Variants in ITPR2 observed in about 807,000 individuals in gnomAD.
The protein encoded by ITPR2 is inositol 1,4,5-trisphosphate receptor type 2, also known as inositol 1,4,5-trisphosphate-gated calcium channel ITPR2.
ITPR2 carries 207 observed loss-of-function variants against 317.1 expected under a neutral mutation model. That is an observed-to-expected ratio of 0.65 (90% CI 0.58 to 0.73). The LOEUF (loss-of-function observed/expected upper bound fraction) is 0.73. ITPR2 is among the 30% of genes least tolerant of loss of function. The pLI is 0.00. For missense variants in ITPR2, 2,613 were observed against 3,284.0 expected, an observed-to-expected ratio of 0.80 and a Z score of 4.99; for synonymous variants, 1,156 against 1,149.1, an observed-to-expected ratio of 1.01 and a Z score of -0.12.
rs557818801 is a variant in ITPR2, at chr12:26,774,373, T to C, written c.163+15784A>G. Among the ~76,000 whole-genome samples, 6 of 152,302 alleles carry C rather than the reference T, an allele frequency of 3.9e-5. No individual in the cohort carries two copies. In the East Asian group the frequency reaches 1.2e-3, roughly 29 times the overall value. On this transcript the variant is annotated intron_variant, in intron 2 of 56. Transcript: ENST00000381340. The stretch of plus-strand genomic sequence containing the variant: ...TGGTTCTTAGCCTGGGTGTGGTGGC[T>C]CATGCCTCTAATTCCAGCACTTTGG...
intron 45 of ITPR2, among the ~76,000 whole-genome samples, chr12:26,469,571 T>A (rs1942251328): frequency 6.6e-6 from 1 of 152,212 alleles, no homozygotes; most frequent in African/African-American, 2.4e-5. Flanking sequence ...TCTTATTCAC[T>A]GCGTAGCTTA....
intron 37 of ITPR2, among the ~76,000 whole-genome samples, chr12:26,502,763 T>C (rs940714185): frequency 2.0e-5 from 3 of 152,146 alleles, no homozygotes; most frequent in Non-Finnish European, 4.4e-5. Context: ...TTTAAATAAA[T>C]GAGAAGACTG....
Position 26,777,001 on chromosome 12 carries a change from T to C in ITPR2, c.163+13156A>G, listed in dbSNP as rs556367022. Among the ~76,000 whole-genome samples, 23 of 152,244 alleles carry C rather than the reference T, an allele frequency of 1.5e-4. No individual in the cohort carries two copies. In the East Asian group the frequency reaches 2.7e-3, roughly 18 times the overall value. ...TGAAAAACAGACATGGGAATAGATA[T>C]TAAGGGTATGGAATAATGGTGGAAG... On this transcript the variant is annotated intron_variant, in intron 2 of 56. Coordinates refer to ENST00000381340, the MANE Select transcript of ITPR2 (RefSeq NM_002223.4).
At chr12:26,492,452 C>T (rs533118199) in intron 39 of ITPR2, among the ~76,000 whole-genome samples, 6 of 102,890 alleles carry the variant, frequency 5.8e-5, no homozygotes, top group Admixed American at 4.5e-4. Context: ...CTAGAGATGC[C>T]CCCCACCAAA....
At chr12:26,708,838 T>C (rs1418203011) in intron 9 of ITPR2, among the ~76,000 whole-genome samples, 1 of 152,206 alleles carries the variant, frequency 6.6e-6, no homozygotes, top group Admixed American at 6.5e-5. Context: ...TTATTACACA[T>C]TGTATGCCTG....
intron 9 of ITPR2, among the ~76,000 whole-genome samples, chr12:26,707,408 T>A (rs1948571354): frequency 6.6e-6 from 1 of 152,186 alleles, no homozygotes; most frequent in Non-Finnish European, 1.5e-5. Context: ...CTCTATCGCC[T>A]AAGAATAAGG....
At chr12:26,790,586 TACACACACACACACACACAC>T (rs10527860) in intron 1 of ITPR2, among the ~76,000 whole-genome samples, 1 of 147,708 alleles carries the variant, frequency 6.8e-6, no homozygotes. Flanking sequence ...CATATATGCT[TACACACACACACACACACAC>T]ACACACACAC....
In ITPR2 at chr12:26,411,392, T is replaced by G; in HGVS notation, c.7327A>C (p.Met2443Leu). 1 of 1,612,916 alleles carries G rather than the reference T, an allele frequency of 6.2e-7. No homozygotes were observed. The highest frequency in any genetic ancestry group is 8.5e-7 in the Non-Finnish European group (1 of 1,179,100). ...PVTGSHQVPTMTLTTMMEACA... is the reference protein window; with the variant it reads ...PVTGSHQVPTLTLTTMMEACA... The stretch of plus-strand genomic sequence containing the variant: ...GCTTCCATCATGGTAGTTAAAGTCA[T>G]AGTAGGCACTTGATGACTGCCTAAG... The change falls in exon 52 of 57, where the codon ATG becomes CTG. Residue 2443 changes from methionine to leucine, a missense_variant. Coordinates refer to ENST00000381340, the MANE Select transcript of ITPR2 (RefSeq NM_002223.4).
At chr12:26,440,454 C>A (rs2136731397) in intron 46 of ITPR2, among the ~76,000 whole-genome samples, 1 of 152,224 alleles carries the variant, frequency 6.6e-6, no homozygotes, top group East Asian at 1.9e-4. Context: ...CACTGAATCA[C>A]TGAATCAATT....
At chr12:26,372,260 T>C (rs1230445037) in intron 55 of ITPR2, among the ~76,000 whole-genome samples, 1 of 152,238 alleles carries the variant, frequency 6.6e-6, no homozygotes, top group South Asian at 2.1e-4. Context: ...TGTGCTCTCC[T>C]GCAGGATCTT....
chr12:26,545,032 T>C (rs1420072091), intron 37 of ITPR2, among the ~76,000 whole-genome samples: 1 of 152,148 alleles, frequency 6.6e-6, no homozygotes, highest in East Asian at 1.9e-4. Context: ...TTCTATTCAT[T>C]TGCATTTAAA....
intron 2 of ITPR2, among the ~76,000 whole-genome samples, chr12:26,784,319 GCCTCTC>G (rs1190707647): frequency 0.091 from 2,867 of 31,364 alleles, 296 homozygotes; most frequent in Middle Eastern, 0.15. Context: ...CTCTCCCTCT[GCCTCTC>G]CCTCTCCCTC....
chr12:26,821,754 G>A (rs903168201), intron 1 of ITPR2, among the ~76,000 whole-genome samples: 10 of 152,226 alleles, frequency 6.6e-5, no homozygotes, highest in African/African-American at 1.9e-4. Context: ...TAGTAAGAAT[G>A]AGGATAGCAA....
chr12:26,694,781 A>G (rs1427659551), intron 10 of ITPR2, among the ~76,000 whole-genome samples: 1 of 152,244 alleles, frequency 6.6e-6, no homozygotes, highest in Non-Finnish European at 1.5e-5. Context: ...AATTATAAAT[A>G]GGAGATCCAA....
At chr12:26,669,591 C>T (rs767281328) in intron 13 of ITPR2, among the ~76,000 whole-genome samples, 4 of 152,220 alleles carry the variant, frequency 2.6e-5, no homozygotes, top group Non-Finnish European at 5.9e-5. Context: ...ATAGGAACAG[C>T]TCGGGTCTAC....
chr12:26,442,997 C>T (rs1301361840), intron 46 of ITPR2, among the ~76,000 whole-genome samples: 1 of 152,026 alleles, frequency 6.6e-6, no homozygotes. Context: ...CCATTTTGAC[C>T]CACACCTCCT....
At chr12:26,475,198 TA>T in intron 45 of ITPR2, 97 bp downstream of exon 45, 1 of 1,386,444 alleles carries the variant, frequency 7.2e-7, no homozygotes, top group Non-Finnish European at 1.0e-6. Flanking sequence ...AAGTGCTGAA[TA>T]AATGAAGGGA....
At chr12:26,783,719 G>A (rs979551517) in intron 2 of ITPR2, among the ~76,000 whole-genome samples, 3 of 151,966 alleles carry the variant, frequency 2.0e-5, no homozygotes, top group Non-Finnish European at 4.4e-5. Flanking sequence ...ATCATATGAG[G>A]GCATAATACC....
intron 40 of ITPR2, 71 bp from the exon 41 acceptor site, chr12:26,486,431 C>G (rs1305586330): frequency 1.0e-6 from 1 of 973,524 alleles, no homozygotes. Flanking sequence ...AAAAAACAAA[C>G]CAGGTACCCA....
Sources: gnomAD v4.1 joint callset for allele counts (sites outside exome capture counted in the v4.1 genomes callset) on GRCh38, gnomAD v4.1.1 for gene constraint, MANE v1.5 for transcripts, NCBI Gene and HGNC (gene_info 2026-07-23, HGNC 2026-07-21) for gene names.